TMEM63A: variants seen among roughly 807,000 people sequenced by gnomAD.
The protein encoded by TMEM63A is transmembrane protein 63A.
A neutral mutation model predicts 100.6 loss-of-function variants in TMEM63A; 76 were observed. The observed-to-expected ratio is 0.76, with a 90% CI of 0.63 to 0.91. TMEM63A has a LOEUF of 0.91. TMEM63A is among the 40% of genes least tolerant of loss of function. TMEM63A has a pLI of 0.00. For synonymous variants in TMEM63A, 401 were observed against 401.1 expected, an observed-to-expected ratio of 1.00 and a Z score of 0.00; for missense variants, 876 against 1,008.8, an observed-to-expected ratio of 0.87 and a Z score of 1.78.
chr1:225,855,623 C>T (rs1669575230), intron 18 of TMEM63A, among the ~76,000 whole-genome samples: 1 of 152,152 alleles, frequency 6.6e-6, no homozygotes, highest in African/African-American at 2.4e-5. Context: ...ATGAATGAGA[C>T]AGCTGCTAAT....
At chr1:225,855,834 T>C in intron 18 of TMEM63A, 44 bp downstream of exon 18, 1 of 1,605,410 alleles carries the variant, frequency 6.2e-7, no homozygotes, top group Non-Finnish European at 8.5e-7. Context: ...TGTGGGACTT[T>C]CACCCAGGGC....
intron 6 of TMEM63A, among the ~76,000 whole-genome samples, chr1:225,869,956 C>T (rs1239329578): frequency 6.6e-6 from 1 of 151,962 alleles, no homozygotes; most frequent in Non-Finnish European, 1.5e-5. Context: ...CCACCGCAGC[C>T]GGCCATATTT....
At chr1:225,844,364 C>T (rs1367270778), downstream of TMEM63A, 1 of 1,381,960 alleles carries the variant, frequency 7.2e-7, no homozygotes, top group East Asian at 2.3e-5. Flanking sequence ...CACGAGGATA[C>T]CACACACGTT....
At chr1:225,869,323 C>T (rs1460533153) in intron 6 of TMEM63A, among the ~76,000 whole-genome samples, 2 of 152,214 alleles carry the variant, frequency 1.3e-5, no homozygotes, top group South Asian at 2.1e-4. Flanking sequence ...TACTATTTAT[C>T]TAGAGGACAA....
In TMEM63A at chr1:225,848,682, C is replaced by T. The variant is rs1185820965; in HGVS notation, c.2188-128G>A. ...GCTGGCACCAAGCTCCCCAGCAGCC[C>T]GAGAGAGGATGGGGTGGGGGAGTGC... On this transcript the variant is annotated intron_variant, in intron 22 of 24. Transcript: ENST00000366835. 12 of 1,066,598 alleles carry T rather than the reference C, an allele frequency of 1.1e-5. No homozygotes were observed. Among genetic ancestry groups the T allele is most frequent in the East Asian group, 5.0e-5 (2 of 39,694 alleles). The allele number at this position is 1,066,598 out of a possible 1,614,324, so 66.1% of individuals were successfully genotyped here.
At chr1:225,850,252 TTC>T (rs1425033306) in intron 20 of TMEM63A, among the ~76,000 whole-genome samples, 173 bp from the exon 21 acceptor site, 1 of 152,134 alleles carries the variant, frequency 6.6e-6, no homozygotes, top group Non-Finnish European at 1.5e-5. Context: ...TTTTTTCACT[TTC>T]TCTCTCCTAC....
intron 22 of TMEM63A, 26 bp from the exon 23 acceptor site, chr1:225,848,580 A>G (rs1237138023): frequency 2.5e-6 from 4 of 1,613,128 alleles, no homozygotes; most frequent in Non-Finnish European, 3.4e-6. Flanking sequence ...AAAACTTGCG[A>G]TGATAAACAA....
downstream of TMEM63A, chr1:225,844,557 T>C (rs763000173): frequency 6.2e-7 from 1 of 1,614,130 alleles, no homozygotes; most frequent in Admixed American, 1.7e-5. Context: ...ACAGGCACCA[T>C]CATCTCCTCC....
At chr1:225,874,155 A>G in intron 4 of TMEM63A, 133 bp downstream of exon 4, 4 of 843,524 alleles carry the variant, frequency 4.7e-6, no homozygotes, top group South Asian at 1.8e-5. Flanking sequence ...ATAAGCCCCT[A>G]GCCCATTCCA....
rs140642925 is a variant in TMEM63A, at chr1:225,862,802, C to T, written c.796G>A (p.Val266Met). The T allele has an allele frequency of 9.9e-6, 16 of 1,613,938 alleles. No individual in the cohort carries two copies. Among genetic ancestry groups the T allele is most frequent in the Admixed American group, 6.7e-5 (4 of 60,006 alleles). ...TTGCACAGGTAGATCAGTTTGGCCA[C>T]GTTGTAGCACAGCTGCACATCAACC... is the stretch of plus-strand genomic sequence containing the variant. ...EVVDVQLCYN[V>M]AKLIYLCKEK... is the part of the protein sequence containing the mutation. Residue 266 changes from valine (V) to methionine (M), a missense_variant, in exon 11 of 25, where the codon GTG becomes ATG. By Grantham distance (21) the Val-to-Met change is conservative (BLOSUM62 1). Coordinates refer to ENST00000366835, the MANE Select transcript of TMEM63A (RefSeq NM_014698.3). The surrounding 1 kb of genome is among the most constrained non-coding windows in gnomAD (Gnocchi z 5.1).
downstream of TMEM63A, among the ~76,000 whole-genome samples, chr1:225,844,285 G>A (rs1023284618): frequency 2.0e-5 from 3 of 152,002 alleles, no homozygotes; most frequent in Admixed American, 6.6e-5. Context: ...AGGACCTTGG[G>A]GTGATAAGAG....
chr1:225,858,226 G>A (rs1576082840), intron 15 of TMEM63A, among the ~76,000 whole-genome samples: 1 of 151,864 alleles, frequency 6.6e-6, no homozygotes, highest in Admixed American at 6.6e-5. Flanking sequence ...ATAGCTTTTT[G>A]AGTAGATGCC....
intron 13 of TMEM63A, chr1:225,861,899 C>A: frequency 2.6e-6 from 1 of 382,796 alleles, no homozygotes. Flanking sequence ...TGGGGCAAGG[C>A]TGGCACATGA....
chr1:225,847,467 G>A (rs1376417319), intron 23 of TMEM63A: 1 of 426,056 alleles, frequency 2.3e-6, no homozygotes, highest in Non-Finnish European at 4.2e-6. Flanking sequence ...GCAGTTCTCA[G>A]AGGAAACTAA....
At chr1:225,863,599 C>A (rs1486368343) in intron 10 of TMEM63A, among the ~76,000 whole-genome samples, 1 of 151,732 alleles carries the variant, frequency 6.6e-6, no homozygotes, top group Non-Finnish European at 1.5e-5. Flanking sequence ...GACCCTCAGA[C>A]CAGAAAATAT....
At chr1:225,875,014 G>A (rs1311149813) in intron 3 of TMEM63A, among the ~76,000 whole-genome samples, 4 of 152,200 alleles carry the variant, frequency 2.6e-5, no homozygotes, top group Non-Finnish European at 4.4e-5. Context: ...GATTACAGGC[G>A]TGAGCCACCA....
chr1:225,848,588 C>T (rs1345219283), intron 22 of TMEM63A, 34 bp from the exon 23 acceptor site: 1 of 1,609,802 alleles, frequency 6.2e-7, no homozygotes, highest in South Asian at 1.1e-5. Flanking sequence ...CGATGATAAA[C>T]AAAACTGATC....
Position 225,862,927 on chromosome 1 carries a change from A to G in TMEM63A, c.747-76T>C. Reference sequence around the variant, plus strand: ...CCCCAAGCAGGAGACGTGCCCACGGATCCAAGGGAAAGGATGGCAGAGTGA... The same window carrying G: ...CCCCAAGCAGGAGACGTGCCCACGGGTCCAAGGGAAAGGATGGCAGAGTGA... On this transcript the variant is annotated intron_variant, in intron 10 of 24. Transcript: ENST00000366835. The surrounding 1 kb of genome is among the most constrained non-coding windows in gnomAD (Gnocchi z 5.1). The G allele has an allele frequency of 2.9e-6, 4 of 1,372,874 alleles. No individual in the cohort carries two copies. The African/African-American group carries it at 4.3e-5, about 15-fold the overall frequency. 85.0% of individuals were successfully genotyped at this position (1,372,874 alleles called of 1,614,324 possible).
downstream of TMEM63A, chr1:225,842,577 C>T: frequency 1.2e-6 from 1 of 866,454 alleles, no homozygotes. Flanking sequence ...GGGCACTCAG[C>T]AAATTCTATT....
Sources: allele counts gnomAD v4.1 joint callset (sites outside exome capture counted in the v4.1 genomes callset), GRCh38; gene constraint gnomAD v4.1.1; non-coding constraint Gnocchi (gnomAD v3.1); transcripts MANE v1.5; gene names NCBI Gene and HGNC (gene_info 2026-07-23, HGNC 2026-07-21).